KIF24: variants seen among roughly 807,000 people sequenced by gnomAD.
KIF24 encodes the protein kinesin-like protein KIF24.
A neutral mutation model predicts 118.9 loss-of-function variants in KIF24; 81 were observed. The observed-to-expected ratio is 0.68, with a 90% CI of 0.57 to 0.82. The LOEUF is 0.82. KIF24 is among the 40% of genes least tolerant of loss of function. The pLI is 0.00. For missense variants in KIF24, 1,560 were observed against 1,661.6 expected, an observed-to-expected ratio of 0.94 and a Z score of 1.06; for synonymous variants, 599 against 610.0, an observed-to-expected ratio of 0.98 and a Z score of 0.27.
intron 4 of KIF24, among the ~76,000 whole-genome samples, chr9:34,295,116 TA>T (rs1836412830): frequency 2.1e-5 from 1 of 48,014 alleles, no homozygotes; most frequent in Non-Finnish European, 1.1e-4. Context: ...ACAATTTTAA[TA>T]GATAGGTAGG....
intron 4 of KIF24, among the ~76,000 whole-genome samples, chr9:34,293,893 G>C (rs1012856258): frequency 2.6e-5 from 4 of 152,242 alleles, no homozygotes; most frequent in Admixed American, 6.5e-5. Context: ...GACGATAGCA[G>C]ATATTGCAGA....
intron 2 of KIF24, among the ~76,000 whole-genome samples, chr9:34,308,439 A>G (rs1321786249): frequency 6.6e-6 from 1 of 151,894 alleles, no homozygotes; most frequent in African/African-American, 2.4e-5. Flanking sequence ...ACCTGCCATG[A>G]CGCTCTGCTA....
intron 9 of KIF24, among the ~76,000 whole-genome samples, chr9:34,260,495 T>C (rs1402005775): frequency 6.6e-6 from 1 of 152,196 alleles, no homozygotes; most frequent in African/African-American, 2.4e-5. Flanking sequence ...CAGATCCATA[T>C]GAGGCTATGC....
Position 34,290,255 on chromosome 9 carries a change from G to GAA in KIF24, c.1045_1046insTT (p.Pro349LeufsTer24). On this transcript the variant is annotated frameshift_variant, in exon 5 of 13. Coordinates refer to ENST00000402558, the MANE Select transcript of KIF24 (RefSeq NM_194313.4). LOFTEE classifies it high-confidence loss of function. ...GATCCACACAAAGAGGTGCTTTCTTGGCTGGGACACTTCTAGTTGCCTGAA... is the reference window on the plus strand; with the variant it reads ...GATCCACACAAAGAGGTGCTTTCTTGAAGCTGGGACACTTCTAGTTGCCTGAA... 1 of 1,613,892 alleles carries GAA rather than the reference G, an allele frequency of 6.2e-7. No homozygotes were observed. Among genetic ancestry groups the GAA allele is most frequent in the South Asian group, 1.1e-5 (1 of 91,080 alleles).
At chr9:34,289,991 T>C (rs1685036703) in intron 5 of KIF24, among the ~76,000 whole-genome samples, 183 bp downstream of exon 5, 2 of 152,332 alleles carry the variant, frequency 1.3e-5, no homozygotes, top group African/African-American at 2.4e-5. Context: ...GAAAAGCTAA[T>C]TTACATTTTC....
At chr9:34,306,216 A>G (rs1836908938) in intron 3 of KIF24, 36 bp downstream of exon 3, 1 of 1,380,128 alleles carries the variant, frequency 7.2e-7, no homozygotes, top group Admixed American at 2.1e-5. Context: ...CATACTTGAT[A>G]ATATTAGTTC....
intron 1 of KIF24, among the ~76,000 whole-genome samples, chr9:34,314,325 G>GTATGT (rs1563962739): frequency 6.6e-6 from 1 of 151,870 alleles, no homozygotes; most frequent in African/African-American, 2.4e-5. Context: ...CACCACGCCC[G>GTATGT]GCTAATTTTT....
chr9:34,298,896 A>G (rs1836587174), intron 3 of KIF24, among the ~76,000 whole-genome samples: 1 of 152,112 alleles, frequency 6.6e-6, no homozygotes, highest in Non-Finnish European at 1.5e-5. Flanking sequence ...GTCCAAGACG[A>G]CTTCCAAATG....
intron 5 of KIF24, among the ~76,000 whole-genome samples, chr9:34,289,044 G>C (rs1426468188): frequency 6.6e-6 from 1 of 152,022 alleles, no homozygotes; most frequent in Admixed American, 6.6e-5. Flanking sequence ...AAAAAAGAAA[G>C]GCAACTCTTC....
At position 34,329,203 on chromosome 9, in the gene KIF24, C is replaced by A. The variant is rs924037293; in HGVS notation, c.-123G>T. On this transcript the variant is annotated 5_prime_UTR_variant, in exon 1 of 13. Coordinates refer to ENST00000402558, the MANE Select transcript of KIF24 (RefSeq NM_194313.4). ...GCCCGCAACCTAACAGTCCCGTCAA[C>A]CCGGGAGCCACCGGCGGCGGCCAGG... 1.4e-4 allele frequency among the ~76,000 whole-genome samples: 21 copies of A among 152,372 alleles called. No individual in the cohort carries two copies. The highest frequency in any genetic ancestry group is 1.9e-4 in the African/African-American group (8 of 41,596).
chr9:34,302,042 TG>T (rs1836732999), intron 3 of KIF24, among the ~76,000 whole-genome samples: 1 of 148,288 alleles, frequency 6.7e-6, no homozygotes, highest in Admixed American at 6.8e-5. Flanking sequence ...TCGCCCAGGC[TG>T]GGGTGCAGTG....
intron 8 of KIF24, among the ~76,000 whole-genome samples, chr9:34,265,608 T>C (rs183466572): frequency 1.3e-5 from 2 of 152,334 alleles, no homozygotes; most frequent in African/African-American, 4.8e-5. Flanking sequence ...TTCAGGTGAT[T>C]TGACAGCATA....
At chr9:34,317,119 G>A (rs1309842781) in intron 1 of KIF24, among the ~76,000 whole-genome samples, 3 of 152,118 alleles carry the variant, frequency 2.0e-5, no homozygotes, top group African/African-American at 7.2e-5. Flanking sequence ...TCGGGAGGCT[G>A]AGGCAGGAGA....
At chr9:34,333,215 G>C (rs1837994228), upstream of KIF24, among the ~76,000 whole-genome samples, 1 of 152,144 alleles carries the variant, frequency 6.6e-6, no homozygotes, top group Non-Finnish European at 1.5e-5. Context: ...CCCTCCTTCA[G>C]AGTCTTCTTC....
intron 9 of KIF24, among the ~76,000 whole-genome samples, chr9:34,261,079 G>GCC (rs1835037970): frequency 6.6e-6 from 1 of 152,172 alleles, no homozygotes. Context: ...TGTTTGAGAA[G>GCC]ACCTAACCTA....
Position 34,258,515 on chromosome 9 carries a change from C to A in KIF24, c.1626-534G>T, listed in dbSNP as rs111664210. Among the ~76,000 whole-genome samples the A allele has an allele frequency of 5.2e-3, 788 of 152,262 alleles. 5 individuals carry two copies. The highest frequency in any genetic ancestry group is 0.018 in the African/African-American group (762 of 41,544). On this transcript the variant is annotated intron_variant, in intron 10 of 12. Transcript: ENST00000402558. ...ACAGTGTCTTCTCTGAGGATGTAAG[C>A]ATGCACCCAACATTCCATGATCAGA...
intron 6 of KIF24, among the ~76,000 whole-genome samples, chr9:34,276,996 T>C (rs1835680666): frequency 6.6e-6 from 1 of 152,242 alleles, no homozygotes; most frequent in Non-Finnish European, 1.5e-5. Context: ...TTTCACTTCA[T>C]GTTTACACAG....
chr9:34,286,737 T>C (rs1412359675), intron 5 of KIF24, 33 bp from the exon 6 acceptor site: 3 of 1,450,870 alleles, frequency 2.1e-6, no homozygotes, highest in South Asian at 1.1e-5. Flanking sequence ...GGTATGATGG[T>C]GCTACTAAAA....
intron 5 of KIF24, among the ~76,000 whole-genome samples, chr9:34,288,060 A>AACAATTTATCCTCT (rs1177068748): frequency 6.6e-6 from 1 of 152,162 alleles, no homozygotes; most frequent in Non-Finnish European, 1.5e-5. Flanking sequence ...AAGGTATAAA[A>AACAATTTATCCTCT]ACAATTTATC....
Sources: allele counts gnomAD v4.1 joint callset (sites outside exome capture counted in the v4.1 genomes callset), GRCh38; gene constraint gnomAD v4.1.1; transcripts MANE v1.5; gene names NCBI Gene and HGNC (gene_info 2026-07-23, HGNC 2026-07-21).